The following DOCK8 variants were observed in gnomAD, a reference collection of about 807,000 sequenced individuals.
The protein encoded by DOCK8 is dedicator of cytokinesis 8.
Under a neutral mutation model 245.6 loss-of-function variants are expected in DOCK8, and 141 were observed. The ratio of observed to expected loss-of-function variants is 0.57; its 90% CI spans 0.50 to 0.66. DOCK8 has a LOEUF of 0.66. Ranked by LOEUF, DOCK8 falls within the 30% of genes least tolerant of loss-of-function variation. The probability of loss-of-function intolerance (pLI) is 0.00; values close to 1 mark genes in which losing one functional copy is unlikely to be tolerated. For synonymous variants in DOCK8, 1,168 were observed against 970.2 expected, an observed-to-expected ratio of 1.20 and a Z score of -3.79; for missense variants, 2,965 against 2,603.4, an observed-to-expected ratio of 1.14 and a Z score of -3.02.
intron 1 of DOCK8, among the ~76,000 whole-genome samples, chr9:271,026 C>T (rs1316337491): frequency 6.6e-6 from 1 of 152,156 alleles, no homozygotes; most frequent in Non-Finnish European, 1.5e-5. Flanking sequence ...GTGTATGGCT[C>T]CCTAAAGTGT....
At chr9:308,053 G>A (rs987805750) in intron 5 of DOCK8, among the ~76,000 whole-genome samples, 4 of 152,308 alleles carry the variant, frequency 2.6e-5, no homozygotes, top group African/African-American at 9.6e-5. Flanking sequence ...ATGCTGGGAA[G>A]GATGGATGGA....
intron 46 of DOCK8, among the ~76,000 whole-genome samples, chr9:456,031 A>G (rs1450273302): frequency 6.6e-6 from 1 of 152,192 alleles, no homozygotes; most frequent in Non-Finnish European, 1.5e-5. Context: ...ACTGCTGCTC[A>G]TTATTCATCT....
chr9:334,198 A>G, intron 10 of DOCK8, 27 bp from the exon 11 acceptor site: 10 of 1,613,936 alleles, frequency 6.2e-6, no homozygotes, highest in Non-Finnish European at 8.5e-6. Flanking sequence ...TGCTTGTTTC[A>G]GCTTGTTTCT....
intron 9 of DOCK8, among the ~76,000 whole-genome samples, chr9:330,619 C>T (rs1432795662): frequency 2.0e-5 from 3 of 152,064 alleles, no homozygotes; most frequent in Non-Finnish European, 4.4e-5. Context: ...CTGTACCTGA[C>T]ATACCATAAT....
chr9:224,615 C>G (rs758942037), intron 1 of DOCK8, among the ~76,000 whole-genome samples: 7 of 152,108 alleles, frequency 4.6e-5, no homozygotes, highest in Non-Finnish European at 7.3e-5. Context: ...AGGACACAGC[C>G]AAAACCTTCT....
At chr9:367,705 T>C (rs1317521033) in intron 14 of DOCK8, among the ~76,000 whole-genome samples, 2 of 152,214 alleles carry the variant, frequency 1.3e-5, no homozygotes, top group African/African-American at 4.8e-5. Context: ...TTTTTTGCCT[T>C]CTTTATCTGT....
chr9:219,716 G>A (rs1378448672), intron 1 of DOCK8, among the ~76,000 whole-genome samples: 1 of 152,064 alleles, frequency 6.6e-6, no homozygotes, highest in Non-Finnish European at 1.5e-5. Flanking sequence ...GGGCAACATA[G>A]CAAAACCCTG....
chr9:404,230 G>C (rs1043814660), intron 26 of DOCK8, among the ~76,000 whole-genome samples: 1 of 151,494 alleles, frequency 6.6e-6, no homozygotes, highest in Non-Finnish European at 1.5e-5. Context: ...GGGAAGCAAG[G>C]GGTCTCTTCC....
At chr9:427,008 TTTG>T (rs1357528588) in intron 34 of DOCK8, 27 bp downstream of exon 34, 14 of 1,590,954 alleles carry the variant, frequency 8.8e-6, no homozygotes, top group Non-Finnish European at 1.2e-5. Context: ...CCCAATCTGA[TTTG>T]TTGGCCATGA....
chr9:421,961 T>G lies in DOCK8; in HGVS notation c.4154-87T>G. On this transcript the variant is annotated intron_variant, in intron 32 of 47. Coordinates refer to ENST00000432829, the MANE Select transcript of DOCK8 (RefSeq NM_203447.4). ...TTAGCCCGAGAAATGGTGCTGAGGC[T>G]TCTCAGTTGAGCTTGTTATGAACTT... 7 of 1,175,880 alleles carry G rather than the reference T, an allele frequency of 6.0e-6. No homozygotes were observed. In the South Asian group the frequency reaches 8.8e-5, roughly 15 times the overall value. 72.8% of individuals were successfully genotyped at this position (1,175,880 alleles called of 1,614,324 possible).
chr9:290,070 T>A (rs2048975991), intron 4 of DOCK8, among the ~76,000 whole-genome samples: 1 of 152,208 alleles, frequency 6.6e-6, no homozygotes, highest in South Asian at 2.1e-4. Flanking sequence ...TCATTTTTTT[T>A]ATTGCTGAAT....
At chr9:356,112 C>A (rs1402990238) in intron 14 of DOCK8, among the ~76,000 whole-genome samples, 1 of 152,138 alleles carries the variant, frequency 6.6e-6, no homozygotes, top group Non-Finnish European at 1.5e-5. Flanking sequence ...AAAGTAAATC[C>A]AGATCACTTA....
chr9:312,854 CGTGAG>C, intron 6 of DOCK8: 1 of 175,756 alleles, frequency 5.7e-6, no homozygotes, highest in South Asian at 1.3e-4. Context: ...TTCCCCTCTG[CGTGAG>C]GTTATCTACA....
rs10966341 is a variant in DOCK8 at position 255,470 on chromosome 9, T to C, written c.54-16157T>C. ...ATCACCTGAGGTCAGGAGTTTGAGA[T>C]CAGCCTGGCCAACATGGTGAAACCC... is the stretch of plus-strand genomic sequence containing the variant. On this transcript the variant is annotated intron_variant, in intron 1 of 47. Coordinates refer to ENST00000432829, the MANE Select transcript of DOCK8 (RefSeq NM_203447.4). 6.4e-3 allele frequency among the ~76,000 whole-genome samples: 976 copies of C among 152,020 alleles called. 6 individuals carry two copies. Among genetic ancestry groups the C allele is most frequent in the African/African-American group, 0.022 (912 of 41,506 alleles).
At chr9:314,227 C>G (rs188862019) in intron 6 of DOCK8, 1 of 152,042 alleles carries the variant, frequency 6.6e-6, no homozygotes, top group East Asian at 1.9e-4. Context: ...GACTTTTTAC[C>G]AGATTTGTCA....
At chr9:270,483 G>A (rs1312831350) in intron 1 of DOCK8, among the ~76,000 whole-genome samples, 2 of 152,196 alleles carry the variant, frequency 1.3e-5, no homozygotes, top group Non-Finnish European at 2.9e-5. Flanking sequence ...GAGAATAGAT[G>A]CCAAAGTTGG....
chr9:402,897 T>A (rs1187460173), intron 26 of DOCK8, among the ~76,000 whole-genome samples: 1 of 152,164 alleles, frequency 6.6e-6, no homozygotes, highest in African/African-American at 2.4e-5. Flanking sequence ...AATGTCTATT[T>A]TTTTTCTTTT....
intron 14 of DOCK8, among the ~76,000 whole-genome samples, chr9:341,089 G>A (rs73639058): frequency 0.12 from 19,019 of 152,242 alleles, 1,648 homozygotes; most frequent in African/African-American, 0.25. Flanking sequence ...AGAAAGTTCT[G>A]TATGTGTGCC....
intron 14 of DOCK8, among the ~76,000 whole-genome samples, chr9:355,498 A>G (rs1407675252): frequency 6.6e-6 from 1 of 151,992 alleles, no homozygotes; most frequent in Admixed American, 6.6e-5. Context: ...CACCGTGCCC[A>G]GCCCAGAATG....
Sources: allele counts gnomAD v4.1 joint callset (sites outside exome capture counted in the v4.1 genomes callset), GRCh38; gene constraint gnomAD v4.1.1; transcripts MANE v1.5; gene names NCBI Gene and HGNC (gene_info 2026-07-23, HGNC 2026-07-21).